The following DTX1 variants were observed in gnomAD, a reference collection of about 807,000 sequenced individuals.
DTX1 encodes the protein deltex E3 ubiquitin ligase 1, also known as E3 ubiquitin-protein ligase DTX1.
In DTX1, 26 loss-of-function variants were observed where a neutral mutation model predicts 57.8. The ratio of observed to expected loss-of-function variants is 0.45; its 90% confidence interval spans 0.33 to 0.62. The LOEUF (loss-of-function observed/expected upper bound fraction) is 0.62, where lower values mean the gene tolerates loss of function less well. Ranked by LOEUF, DTX1 falls within the 20% of genes least tolerant of loss-of-function variation. The probability of loss-of-function intolerance (pLI) is 0.02; values close to 1 mark genes in which losing one functional copy is unlikely to be tolerated. For missense variants in DTX1, 704 were observed against 895.3 expected, an observed-to-expected ratio of 0.79 and a Z score of 2.73; for synonymous variants, 398 against 394.1, an observed-to-expected ratio of 1.01 and a Z score of -0.12.
chr12:113,083,272 T>G (rs73205294), intron 3 of DTX1, among the ~76,000 whole-genome samples: 11,703 of 152,292 alleles, frequency 0.077, 587 homozygotes, highest in African/African-American at 0.13. Context: ...CATGACTTCT[T>G]TGGGGCACAG....
At chr12:113,072,706 T>C (rs1023076121) in intron 2 of DTX1, among the ~76,000 whole-genome samples, 1 of 143,116 alleles carries the variant, frequency 7.0e-6, no homozygotes, top group African/African-American at 2.6e-5. Context: ...CTTTTTTTTT[T>C]TTTTTTTTTT....
At chr12:113,063,369 C>T (rs1290129116) in intron 2 of DTX1, among the ~76,000 whole-genome samples, 1 of 152,238 alleles carries the variant, frequency 6.6e-6, no homozygotes. Context: ...CCTCCGAGGG[C>T]CTCACCCAGA....
chr12:113,057,600 C>T lies in DTX1; in HGVS notation c.-593C>T, dbSNP rs2044635517. ...CCCGTGCGTTCTGCGGCCACCCAGGCCTTCCAGGACACCGTGGAGAGGGAA... is the reference window on the plus strand; with the variant it reads ...CCCGTGCGTTCTGCGGCCACCCAGGTCTTCCAGGACACCGTGGAGAGGGAA... On this transcript the variant is annotated 5_prime_UTR_variant, in exon 2 of 10. Coordinates refer to ENST00000548759, the MANE Select transcript of DTX1 (RefSeq NM_004416.3). 6.5e-6 allele frequency: 1 copy of T among 153,220 alleles called. No homozygotes were observed. Among genetic ancestry groups the T allele is most frequent in the African/African-American group, 2.4e-5 (1 of 41,450 alleles). The allele number at this position is 153,220 out of a possible 1,614,324, so 9.5% of individuals were successfully genotyped here.
At position 113,094,937 on chromosome 12, in the gene DTX1, A is replaced by G. The variant is rs959372010; in HGVS notation, c.1376A>G (p.Asn459Ser). The G allele has an allele frequency of 3.7e-6, 6 of 1,612,892 alleles. No homozygotes were observed. The highest frequency in any genetic ancestry group is 3.3e-5 in the Admixed American group (2 of 59,972). The stretch of plus-strand genomic sequence containing the variant: ...CTGTGCCTCGTGGCCATGTACTCCA[A>G]TGGCAACAAGGTGGGTTGGGCGGGA... ...HLLCLVAMYSNGNKDGSLQCP... is the reference protein window; with the variant it reads ...HLLCLVAMYSSGNKDGSLQCP... Residue 459 changes from asparagine (N) to serine (S), a missense_variant, in exon 7 of 10, where the codon AAT becomes AGT. By Grantham distance (46) the Asn-to-Ser change is conservative. This residue lies in a region of DTX1 where 168 missense variants were observed against 255.6 expected (regional missense o/e 0.66). Coordinates refer to ENST00000548759, the MANE Select transcript of DTX1 (RefSeq NM_004416.3).
intron 3 of DTX1, among the ~76,000 whole-genome samples, chr12:113,092,704 A>G (rs1566020936): frequency 6.6e-6 from 1 of 152,194 alleles, no homozygotes; most frequent in Non-Finnish European, 1.5e-5. Context: ...AATTTCAGAG[A>G]GGGAGACAGT....
intron 3 of DTX1, among the ~76,000 whole-genome samples, chr12:113,084,251 G>C (rs1003698043): frequency 6.6e-6 from 1 of 152,230 alleles, no homozygotes; most frequent in African/African-American, 2.4e-5. Flanking sequence ...AGTGTCCAGT[G>C]CGTTGGAACA....
rs1950319145 is a variant in DTX1, at chr12:113,097,476, C to T, written c.*537C>T. ...ATTCCGTGTCATCACCCATGTCTGCCACCCACTGATTGGGCAATTGTGGGC... is the reference window on the plus strand; with the variant it reads ...ATTCCGTGTCATCACCCATGTCTGCTACCCACTGATTGGGCAATTGTGGGC... On this transcript the variant is annotated 3_prime_UTR_variant, in exon 10 of 10. Coordinates refer to ENST00000548759, the MANE Select transcript of DTX1 (RefSeq NM_004416.3). 6.5e-6 allele frequency: 1 copy of T among 152,780 alleles called. No homozygotes were observed. Among genetic ancestry groups the T allele is most frequent in the African/African-American group, 2.4e-5 (1 of 41,484 alleles). The allele number at this position is 152,780 out of a possible 1,614,324, so 9.5% of individuals were successfully genotyped here.
At chr12:113,087,814 G>A (rs2044873695) in intron 3 of DTX1, among the ~76,000 whole-genome samples, 2 of 152,156 alleles carry the variant, frequency 1.3e-5, no homozygotes, top group South Asian at 4.1e-4. Context: ...GCCTGCTGGG[G>A]GTGGGAGGGG....
At chr12:113,064,179 A>C (rs2044688771) in intron 2 of DTX1, among the ~76,000 whole-genome samples, 1 of 152,050 alleles carries the variant, frequency 6.6e-6, no homozygotes, top group African/African-American at 2.4e-5. Context: ...TCCTCACTGG[A>C]GACTAGGGCT....
chr12:113,062,928 C>G (rs1193522617), intron 2 of DTX1, among the ~76,000 whole-genome samples: 1 of 152,184 alleles, frequency 6.6e-6, no homozygotes, highest in African/African-American at 2.4e-5. Context: ...AGAGTCTGGA[C>G]TGGAAACTGG....
intron 2 of DTX1, among the ~76,000 whole-genome samples, chr12:113,065,845 G>T (rs1221821761): frequency 6.6e-6 from 1 of 152,136 alleles, no homozygotes; most frequent in Non-Finnish European, 1.5e-5. Context: ...GGTCACAGTG[G>T]CTCCAAGTGC....
Position 113,097,615 on chromosome 12 carries a change from T to A in DTX1, c.*676T>A, listed in dbSNP as rs1436067069. 1 of 152,454 alleles carries A rather than the reference T, an allele frequency of 6.6e-6. No homozygotes were observed. Among genetic ancestry groups the A allele is most frequent in the Non-Finnish European group, 1.5e-5 (1 of 68,186 alleles). 9.4% of individuals were successfully genotyped at this position (152,454 alleles called of 1,614,324 possible). ...TGTGCCTCTTCATCTCTCTGGACTCTGATCTCCTTCTCCCTTCCCATCTCC... is the reference window on the plus strand; with the variant it reads ...TGTGCCTCTTCATCTCTCTGGACTCAGATCTCCTTCTCCCTTCCCATCTCC... On this transcript the variant is annotated 3_prime_UTR_variant, in exon 10 of 10. Coordinates refer to ENST00000548759, the MANE Select transcript of DTX1 (RefSeq NM_004416.3).
chr12:113,059,071 G>A (rs1055445418), intron 2 of DTX1, among the ~76,000 whole-genome samples: 1 of 152,068 alleles, frequency 6.6e-6, no homozygotes, highest in Non-Finnish European at 1.5e-5. Context: ...GGGGGGCGTT[G>A]GTGGTGTTGA....
intron 3 of DTX1, among the ~76,000 whole-genome samples, chr12:113,079,589 AC>A (rs1391556312): frequency 7.5e-6 from 1 of 134,198 alleles, no homozygotes; most frequent in East Asian, 2.2e-4. Flanking sequence ...GTGCAGTGGC[AC>A]AATCTCCACT....
chr12:113,093,526 C>T lies in DTX1; in HGVS notation c.1004-13C>T, dbSNP rs1465691742. The T allele has an allele frequency of 1.3e-6, 2 of 1,593,208 alleles. No homozygotes were observed. The highest frequency in any genetic ancestry group is 2.3e-5 in the East Asian group (1 of 44,240). Reference sequence around the variant, plus strand: ...TGGCGCCCCGCCCTGTGACTGCGCCCCCTAACCCCCAGGGATGACCGGGAT... The same window carrying T: ...TGGCGCCCCGCCCTGTGACTGCGCCTCCTAACCCCCAGGGATGACCGGGAT... On this transcript the variant is annotated splice_polypyrimidine_tract_variant and intron_variant, in intron 4 of 9. Transcript: ENST00000548759. This position sits in a 1 kb window ranked among gnomAD's most constrained non-coding sequence, Gnocchi z 4.2.
chr12:113,070,523 C>T (rs1186114131), intron 2 of DTX1, among the ~76,000 whole-genome samples: 9 of 152,210 alleles, frequency 5.9e-5, no homozygotes, highest in African/African-American at 1.2e-4. Flanking sequence ...GCTGAGGGAC[C>T]AGCAGGAGGA....
At position 113,058,126 on chromosome 12, in the gene DTX1, G is replaced by T. The variant is rs2044641508; in HGVS notation, c.-67G>T. The T allele has an allele frequency of 2.7e-6, 4 of 1,486,350 alleles. No individual in the cohort carries two copies. The highest frequency in any genetic ancestry group is 3.6e-6 in the Non-Finnish European group (4 of 1,119,450). The allele number at this position is 1,486,350 out of a possible 1,614,324, so 92.1% of individuals were successfully genotyped here. A position where few individuals can be genotyped will look rare whatever the true frequency, so the allele number is the denominator to read the frequency against. On this transcript the variant is annotated 5_prime_UTR_variant, in exon 2 of 10. Transcript: ENST00000548759. Reference sequence around the variant, plus strand: ...CTGGGGAGAGAGGAAGTTGCCGCCTGCTGCCAGGCCCAGGAGGAGCTGGGC... The same window carrying T: ...CTGGGGAGAGAGGAAGTTGCCGCCTTCTGCCAGGCCCAGGAGGAGCTGGGC...
rs12311239 is a variant in DTX1 at position 113,069,589 on chromosome 12, G to A, written c.260-7835G>A. 2.9e-3 allele frequency among the ~76,000 whole-genome samples: 436 copies of A among 152,252 alleles called. 5 individuals carry two copies. The highest frequency in any genetic ancestry group is 9.4e-3 in the African/African-American group (390 of 41,530). On this transcript the variant is annotated intron_variant, in intron 2 of 9. Coordinates refer to ENST00000548759, the MANE Select transcript of DTX1 (RefSeq NM_004416.3). The stretch of plus-strand genomic sequence containing the variant: ...AGTTTGGAGGGAAACAGAACACTGC[G>A]GGATTATTGATCATGGGGCAGGAGC...
chr12:113,096,920 A>G lies in DTX1; in HGVS notation c.1844A>G (p.Glu615Gly). The change falls in exon 10 of 10, where the codon GAG (glutamate) becomes GGG (glycine). Residue 615 changes from glutamate (E) to glycine (G), a missense_variant. By Grantham distance (98) the Glu-to-Gly change is moderately conservative. Around this residue, in one of 3 missense-constraint regions of DTX1, gnomAD observed 168 missense variants for 255.6 expected, o/e 0.66. Transcript: ENST00000548759. ...GAGCTCACAGCCCAGGGCGTATCCG[A>G]GGCTGCAGCCAAGGCTTGAGGCCCA... ...LAELTAQGVS[E>G]AAAKA is the part of the protein sequence containing the mutation. 1 of 1,611,742 alleles carries G rather than the reference A, an allele frequency of 6.2e-7. No individual in the cohort carries two copies. Among genetic ancestry groups the G allele is most frequent in the Non-Finnish European group, 8.5e-7 (1 of 1,179,912 alleles).
Sources: allele counts gnomAD v4.1 joint callset (sites outside exome capture counted in the v4.1 genomes callset), GRCh38; gene constraint gnomAD v4.1.1; regional missense constraint gnomAD v4.1.1; non-coding constraint Gnocchi (gnomAD v3.1); transcripts MANE v1.5; gene names NCBI Gene and HGNC (gene_info 2026-07-23, HGNC 2026-07-21).